The following TRPC4 variants were observed in gnomAD, a reference collection of about 807,000 sequenced individuals.
The protein encoded by TRPC4 is transient receptor potential cation channel subfamily C member 4, also known as short transient receptor potential channel 4.
Under a neutral mutation model 99.4 loss-of-function variants are expected in TRPC4, and 49 were observed. The ratio of observed to expected loss-of-function variants is 0.49; its 90% CI spans 0.39 to 0.63. The LOEUF is 0.63. Ranked by LOEUF, TRPC4 falls within the 20% of genes least tolerant of loss-of-function variation. The pLI is 0.00. For missense variants in TRPC4, 898 were observed against 1,152.9 expected, an observed-to-expected ratio of 0.78 and a Z score of 3.20; for synonymous variants, 454 against 425.9, an observed-to-expected ratio of 1.07 and a Z score of -0.81.
At chr13:37,655,511 A>G (rs1030489240) in intron 6 of TRPC4, among the ~76,000 whole-genome samples, 1 of 152,076 alleles carries the variant, frequency 6.6e-6, no homozygotes, top group African/African-American at 2.4e-5. Flanking sequence ...TAAATTTCCC[A>G]AGAGCTTTGA....
intron 1 of TRPC4, among the ~76,000 whole-genome samples, chr13:37,866,174 G>A (rs1471789866): frequency 6.6e-6 from 1 of 151,672 alleles, no homozygotes; most frequent in African/African-American, 2.4e-5. Flanking sequence ...GCTAGATAAA[G>A]CTATCAAGGC....
In TRPC4 at chr13:37,796,968, A is replaced by ATAAAATAAAATAAAG. The variant is rs1555273561; in HGVS notation, c.-27-13609_-27-13608insCTTTATTTTATTTTA. On this transcript the variant is annotated intron_variant, in intron 1 of 10. Transcript: ENST00000379705. ...ATAAAATAAAATAAAATAAAATAAA[A>ATAAAATAAAATAAAG]TAAAGTAAAGTAAAGTAAAGTAAAG... Among the ~76,000 whole-genome samples, 151 of 115,098 alleles carry ATAAAATAAAATAAAG rather than the reference A, an allele frequency of 1.3e-3. 2 individuals carry two copies. The highest frequency in any genetic ancestry group is 4.9e-3 in the African/African-American group (128 of 26,212). The allele number at this position is 115,098 out of a possible 152,430, so 75.5% of individuals were successfully genotyped here. A position where few individuals can be genotyped will look rare whatever the true frequency, so the allele number is the denominator to read the frequency against.
chr13:37,716,646 C>T (rs2139011967), intron 3 of TRPC4, among the ~76,000 whole-genome samples: 1 of 152,140 alleles, frequency 6.6e-6, no homozygotes, highest in South Asian at 2.1e-4. Context: ...ACATAAAAGA[C>T]ATTACTGCTA....
At chr13:37,674,094 A>T in intron 5 of TRPC4, 134 bp downstream of exon 5, 1 of 819,934 alleles carries the variant, frequency 1.2e-6, no homozygotes, top group East Asian at 3.1e-5. Flanking sequence ...ATATCTATCA[A>T]TAAAACCATG....
chr13:37,689,174 G>A (rs1187239334), intron 4 of TRPC4, among the ~76,000 whole-genome samples: 1 of 152,130 alleles, frequency 6.6e-6, no homozygotes, highest in Non-Finnish European at 1.5e-5. Context: ...GATACAGGGG[G>A]ACTTTAGATG....
chr13:37,758,102 A>T (rs1956139603), intron 2 of TRPC4, among the ~76,000 whole-genome samples: 1 of 152,064 alleles, frequency 6.6e-6, no homozygotes, highest in African/African-American at 2.4e-5. Context: ...TTGTATATAT[A>T]ACAACTTTTA....
chr13:37,863,532 T>C (rs1395809837), intron 1 of TRPC4, among the ~76,000 whole-genome samples: 1 of 151,600 alleles, frequency 6.6e-6, no homozygotes, highest in East Asian at 1.9e-4. Context: ...GACCCAACTC[T>C]GCTTGTCAAA....
intron 1 of TRPC4, among the ~76,000 whole-genome samples, chr13:37,835,533 C>CT (rs2139612108): frequency 6.6e-6 from 1 of 152,268 alleles, no homozygotes; most frequent in South Asian, 2.1e-4. Context: ...CCTTCTCTGT[C>CT]TTACTAGCTA....
intron 6 of TRPC4, among the ~76,000 whole-genome samples, chr13:37,660,255 T>C (rs1157661669): frequency 1.3e-5 from 2 of 152,032 alleles, no homozygotes; most frequent in Non-Finnish European, 2.9e-5. Flanking sequence ...AAGGTAATAA[T>C]ATAGAAGTTA....
intron 4 of TRPC4, among the ~76,000 whole-genome samples, chr13:37,676,476 G>C (rs1464983645): frequency 6.6e-6 from 1 of 151,568 alleles, no homozygotes; most frequent in East Asian, 1.9e-4. Flanking sequence ...GGGTTAAAGC[G>C]ATTTCCCTGC....
rs1956724509 is a variant in TRPC4 at position 37,777,027 on chromosome 13, G to T, written c.378+5929C>A. Among the ~76,000 whole-genome samples the T allele has an allele frequency of 2.0e-5, 3 of 151,840 alleles. No individual in the cohort carries two copies. The South Asian group carries it at 6.2e-4, about 32-fold the overall frequency. ...GTTTGATTTTCTGATCACATAACAGGCAATGTTTCTAAAGACACAATTGTA... is the reference window on the plus strand; with the variant it reads ...GTTTGATTTTCTGATCACATAACAGTCAATGTTTCTAAAGACACAATTGTA... On this transcript the variant is annotated intron_variant, in intron 2 of 10. Transcript: ENST00000379705.
intron 2 of TRPC4, among the ~76,000 whole-genome samples, chr13:37,768,959 G>T (rs1005601027): frequency 6.6e-6 from 1 of 151,210 alleles, no homozygotes; most frequent in Non-Finnish European, 1.5e-5. Flanking sequence ...AGACAATTAA[G>T]CAAAAAGAAA....
intron 4 of TRPC4, among the ~76,000 whole-genome samples, chr13:37,682,260 A>G (rs571342839): frequency 6.6e-6 from 1 of 152,350 alleles, no homozygotes; most frequent in East Asian, 1.9e-4. Flanking sequence ...GTCTCTTCAC[A>G]GAACACTGAG....
intron 3 of TRPC4, among the ~76,000 whole-genome samples, chr13:37,709,433 C>T (rs1356930855): frequency 2.0e-5 from 3 of 151,870 alleles, no homozygotes. Context: ...TACTGATAAT[C>T]AACAATAATT....
rs755471814 is a variant in TRPC4 at position 37,637,510 on chromosome 13, T to C, written c.2327A>G (p.Asp776Gly). ...NASKESSNSA[D>G]SDEKSDSEGN... is the part of the protein sequence containing the mutation. ...TTCGCTATCACTCTTTTCATCTGAG[T>C]CTGCCGAATTTGAAGACTCCTTCGA... Residue 776 changes from aspartate to glycine, a missense_variant, in exon 11 of 11, where the codon GAC (aspartate) becomes GGC (glycine). Transcript: ENST00000379705. 1.2e-6 allele frequency: 2 copies of C among 1,613,754 alleles called. No homozygotes were observed. The highest frequency in any genetic ancestry group is 1.1e-5 in the South Asian group (1 of 91,068).
intron 3 of TRPC4, among the ~76,000 whole-genome samples, chr13:37,716,011 C>A (rs1369407148): frequency 6.6e-6 from 1 of 152,218 alleles, no homozygotes; most frequent in East Asian, 1.9e-4. Flanking sequence ...TTTGCATGTC[C>A]TTTTTAAGAG....
intron 1 of TRPC4, among the ~76,000 whole-genome samples, chr13:37,868,305 C>G (rs1566237430): frequency 6.6e-6 from 1 of 151,904 alleles, no homozygotes; most frequent in East Asian, 1.9e-4. Flanking sequence ...TTTTTCCCCC[C>G]TTAAACATTT....
In TRPC4 at chr13:37,634,799, G is replaced by GA. The variant is rs781533691; in HGVS notation, c.*2103dup. ...TCTCTACTACTGTAGGTATGATTTA[G>GA]AAAAAAATGAGTATTTCAGTAGCCC... On this transcript the variant is annotated 3_prime_UTR_variant, in exon 11 of 11. Transcript: ENST00000379705. Among the ~76,000 whole-genome samples, 1 of 151,922 alleles carries GA rather than the reference G, an allele frequency of 6.6e-6. No individual in the cohort carries two copies. The highest frequency in any genetic ancestry group is 1.5e-5 in the Non-Finnish European group (1 of 67,940).
At chr13:37,734,828 A>G (rs1208778278) in intron 3 of TRPC4, among the ~76,000 whole-genome samples, 1 of 152,076 alleles carries the variant, frequency 6.6e-6, no homozygotes, top group Non-Finnish European at 1.5e-5. Flanking sequence ...TGTTGTGTAG[A>G]ATTTTTTTTT....
Sources: gnomAD v4.1 joint callset for allele counts (sites outside exome capture counted in the v4.1 genomes callset) on GRCh38, gnomAD v4.1.1 for gene constraint, MANE v1.5 for transcripts, NCBI Gene and HGNC (gene_info 2026-07-23, HGNC 2026-07-21) for gene names.